The following MALRD1 variants were observed in gnomAD, a reference collection of about 807,000 sequenced individuals.
The protein encoded by MALRD1 is MAM and LDL receptor class A domain containing 1, also known as MAM and LDL-receptor class A domain-containing protein 1.
Under a neutral mutation model 242.1 loss-of-function variants are expected in MALRD1, and 247 were observed. The ratio of observed to expected loss-of-function variants is 1.02; its 90% CI spans 0.92 to 1.13. The LOEUF (loss-of-function observed/expected upper bound fraction) is 1.13. Among genes scored for constraint, MALRD1 ranks in the 50% most tolerant of loss-of-function variants. The probability of loss-of-function intolerance (pLI) is 0.00; values close to 1 mark genes in which losing one functional copy is unlikely to be tolerated. For missense variants in MALRD1, 2,989 were observed against 2,533.1 expected, an observed-to-expected ratio of 1.18 and a Z score of -3.86; for synonymous variants, 995 against 866.6, an observed-to-expected ratio of 1.15 and a Z score of -2.60.
chr10:19,208,892 G>A (rs1167921119), intron 17 of MALRD1, among the ~76,000 whole-genome samples: 2 of 152,068 alleles, frequency 1.3e-5, no homozygotes, highest in African/African-American at 4.8e-5. Flanking sequence ...GTTCCCTGGT[G>A]ATTGGAACAT....
At chr10:19,479,976 C>G (rs1382738570) in intron 29 of MALRD1, among the ~76,000 whole-genome samples, 1 of 152,154 alleles carries the variant, frequency 6.6e-6, no homozygotes, top group African/African-American at 2.4e-5. Flanking sequence ...TACCTAGTAG[C>G]AAAAGGAGCT....
chr10:19,162,425 A>G (rs1007355490), intron 12 of MALRD1, among the ~76,000 whole-genome samples: 1 of 152,156 alleles, frequency 6.6e-6, no homozygotes, highest in Admixed American at 6.5e-5. Flanking sequence ...AATTACTATA[A>G]TAAGTTCTGT....
chr10:19,387,916 T>C, intron 27 of MALRD1, 143 bp downstream of exon 27: 12 of 1,073,164 alleles, frequency 1.1e-5, no homozygotes, highest in Non-Finnish European at 1.4e-5. Context: ...GAGTGTTTTT[T>C]TTCTTAGGGC....
In MALRD1 at chr10:19,615,843, A is replaced by T. The variant is rs368014044; in HGVS notation, c.6071-14A>T. 142 of 1,522,292 alleles carry T rather than the reference A, an allele frequency of 9.3e-5. 1 individual carries two copies. The South Asian group carries it at 1.5e-3, about 16-fold the overall frequency. The allele number at this position is 1,522,292 out of a possible 1,614,324, so 94.3% of individuals were successfully genotyped here. A position where few individuals can be genotyped will look rare whatever the true frequency, so the allele number is the denominator to read the frequency against. ...TTTATAATTAACTGGTGTCTTTGTG[A>T]TGCTTCTTTTTAGAATGTCCATTAA... On this transcript the variant is annotated splice_polypyrimidine_tract_variant and intron_variant, in intron 35 of 39. Transcript: ENST00000454679.
At chr10:19,542,207 A>G (rs949808804) in intron 32 of MALRD1, among the ~76,000 whole-genome samples, 10 of 152,166 alleles carry the variant, frequency 6.6e-5, no homozygotes, top group African/African-American at 1.9e-4. Context: ...AAGAACCTAA[A>G]TCAGCTTCAC....
intron 24 of MALRD1, among the ~76,000 whole-genome samples, chr10:19,342,795 C>T (rs1023277903): frequency 6.6e-6 from 1 of 152,060 alleles, no homozygotes; most frequent in Non-Finnish European, 1.5e-5. Flanking sequence ...GCTAAGACCA[C>T]ATTCATTGTC....
intron 36 of MALRD1, among the ~76,000 whole-genome samples, chr10:19,653,109 T>A (rs1405230237): frequency 6.6e-6 from 1 of 152,196 alleles, no homozygotes; most frequent in African/African-American, 2.4e-5. Context: ...TTGAGTGTTT[T>A]GGGAAGCCAT....
intron 33 of MALRD1, among the ~76,000 whole-genome samples, chr10:19,588,088 A>C (rs1837538177): frequency 6.6e-6 from 1 of 152,134 alleles, no homozygotes; most frequent in South Asian, 2.1e-4. Flanking sequence ...TGTAGGATGC[A>C]TATGAAATGA....
intron 1 of MALRD1, among the ~76,000 whole-genome samples, chr10:19,056,374 T>A (rs556312663): frequency 6.6e-6 from 1 of 152,074 alleles, no homozygotes; most frequent in Non-Finnish European, 1.5e-5. Flanking sequence ...ATTCTCGGTG[T>A]TTTATAGTTT....
intron 2 of MALRD1, among the ~76,000 whole-genome samples, chr10:19,071,741 T>C (rs372040537): frequency 2.0e-5 from 3 of 152,218 alleles, no homozygotes; most frequent in African/African-American, 7.2e-5. Context: ...CAGGGTGAGT[T>C]GGGTTCTTTT....
intron 5 of MALRD1, among the ~76,000 whole-genome samples, chr10:19,122,381 G>T (rs991507864): frequency 6.6e-6 from 1 of 152,098 alleles, no homozygotes; most frequent in Non-Finnish European, 1.5e-5. Context: ...TGGTGGCAAA[G>T]GTTGTTTTTC....
intron 1 of MALRD1, 21 bp downstream of exon 1, chr10:19,049,158 T>C: frequency 8.1e-7 from 1 of 1,233,686 alleles, no homozygotes; most frequent in Non-Finnish European, 1.0e-6. Flanking sequence ...TTCTCCTTTC[T>C]CCAATTTCAA....
intron 13 of MALRD1, among the ~76,000 whole-genome samples, chr10:19,167,980 C>T (rs1450573845): frequency 1.3e-5 from 2 of 152,210 alleles, no homozygotes; most frequent in Non-Finnish European, 2.9e-5. Flanking sequence ...GCAAATCTGG[C>T]ACAAACACAG....
At chr10:19,620,019 A>AATAAT (rs564333226) in intron 36 of MALRD1, among the ~76,000 whole-genome samples, 48 of 58,512 alleles carry the variant, frequency 8.2e-4, no homozygotes, top group South Asian at 1.3e-3. Flanking sequence ...TAATAATAAT[A>AATAAT]AATAATAATA....
chr10:19,066,930 C>G (rs550063379), intron 2 of MALRD1, 71 bp downstream of exon 2: 1 of 1,136,832 alleles, frequency 8.8e-7, no homozygotes, highest in East Asian at 3.2e-5. Context: ...CTTCCTTCTT[C>G]GTTCTTTCCC....
chr10:19,532,979 AC>A (rs1260349071), intron 32 of MALRD1, among the ~76,000 whole-genome samples: 1 of 152,056 alleles, frequency 6.6e-6, no homozygotes, highest in Admixed American at 6.5e-5. Context: ...CCTTATTTCT[AC>A]TGACATTATT....
chr10:19,340,019 C>T (rs2130952334), intron 24 of MALRD1, among the ~76,000 whole-genome samples: 2 of 152,196 alleles, frequency 1.3e-5, no homozygotes, highest in East Asian at 3.9e-4. Context: ...AGAACTCACT[C>T]ACTGTCATAA....
At chr10:19,469,525 C>G (rs960623232) in intron 29 of MALRD1, among the ~76,000 whole-genome samples, 2 of 152,110 alleles carry the variant, frequency 1.3e-5, no homozygotes, top group Non-Finnish European at 2.9e-5. Flanking sequence ...GTGACTCATT[C>G]ATTTTATCAA....
intron 12 of MALRD1, among the ~76,000 whole-genome samples, chr10:19,160,304 G>A (rs1312884251): frequency 7.0e-6 from 1 of 142,294 alleles, no homozygotes; most frequent in Non-Finnish European, 1.5e-5. Context: ...GCATCCCAGG[G>A]ATGAAGCCCA....
Sources: gnomAD v4.1 joint callset for allele counts (sites outside exome capture counted in the v4.1 genomes callset) on GRCh38, gnomAD v4.1.1 for gene constraint, MANE v1.5 for transcripts, NCBI Gene and HGNC (gene_info 2026-07-23, HGNC 2026-07-21) for gene names.